The following DCUN1D1 variants were observed in gnomAD, a reference collection of about 807,000 sequenced individuals.
The protein encoded by DCUN1D1 is DCN1-like protein 1.
In DCUN1D1, 3 loss-of-function variants were observed where a neutral mutation model predicts 39.0. The ratio of observed to expected loss-of-function variants is 0.08; its 90% CI spans 0.04 to 0.20. The LOEUF (loss-of-function observed/expected upper bound fraction) is 0.20. DCUN1D1 is among the 10% of genes least tolerant of loss of function. DCUN1D1 has a pLI of 1.00. For missense variants in DCUN1D1, 158 were observed against 302.4 expected (o/e 0.52, Z 3.54); for synonymous variants, 82 against 96.3 (o/e 0.85, Z 0.87).
rs887598113 is a variant in DCUN1D1 at position 182,965,595 on chromosome 3, C to G, written c.162G>C (p.Glu54Asp). The G allele has an allele frequency of 2.9e-5, 46 of 1,613,730 alleles. No individual in the cohort carries two copies. The highest frequency in any genetic ancestry group is 3.6e-5 in the Non-Finnish European group (42 of 1,179,852). The change falls in exon 2 of 7, where the codon GAG (glutamate) becomes GAC (aspartate). Residue 54 changes from glutamate (E) to aspartate (D), a missense_variant. By Grantham distance (45) the Glu-to-Asp change is conservative. This residue lies in a region of DCUN1D1 where 107 missense variants were observed against 174.7 expected (regional missense o/e 0.61). Coordinates refer to ENST00000292782, the MANE Select transcript of DCUN1D1 (RefSeq NM_020640.4). ...FFQNPELYIRESVKGSLDRKK... is the reference protein window; with the variant it reads ...FFQNPELYIRDSVKGSLDRKK... ...TCCTGTCCAATGATCCTTTTACACT[C>G]TCTCGTATATAAAGTTCAGGATTTT...
chr3:182,965,862 T>C (rs1560175417), intron 1 of DCUN1D1, 109 bp from the exon 2 acceptor site: 1 of 688,984 alleles, frequency 1.5e-6, no homozygotes, highest in Non-Finnish European at 2.4e-6. Context: ...TCACAAAACA[T>C]TAAAACATTT....
chr3:182,947,182 GGT>G (rs1560160510), intron 6 of DCUN1D1, 54 bp downstream of exon 6: 1 of 884,150 alleles, frequency 1.1e-6, no homozygotes, highest in Non-Finnish European at 1.8e-6. Context: ...GAAGTTCAAG[GGT>G]ATGGGATAAA....
intron 4 of DCUN1D1, among the ~76,000 whole-genome samples, chr3:182,949,700 GACAGGTGACATCTCTTAAAA>G (rs1471250569): frequency 3.9e-5 from 6 of 152,162 alleles, no homozygotes; most frequent in Admixed American, 1.3e-4. Context: ...CAGCCTGGGT[GACAGGTGACATCTCTTAAAA>G]ACAAACAACA....
At chr3:182,985,145 C>T (rs1011918748), upstream of DCUN1D1, among the ~76,000 whole-genome samples, 1 of 152,150 alleles carries the variant, frequency 6.6e-6, no homozygotes, top group East Asian at 1.9e-4. Flanking sequence ...GTAAAGCAGA[C>T]AGGACTAGGC....
chr3:182,959,193 T>G (rs1646551038), intron 4 of DCUN1D1, among the ~76,000 whole-genome samples: 3 of 152,196 alleles, frequency 2.0e-5, no homozygotes, highest in Admixed American at 2.0e-4. Context: ...GGATTTTTCC[T>G]TTAAGAATAA....
upstream of DCUN1D1, among the ~76,000 whole-genome samples, chr3:182,981,509 G>A (rs1030824047): frequency 6.6e-6 from 1 of 152,184 alleles, no homozygotes; most frequent in African/African-American, 2.4e-5. Context: ...TTGCCCTTCA[G>A]AAATGTAGTA....
intron 1 of DCUN1D1, among the ~76,000 whole-genome samples, chr3:182,976,158 T>A (rs1728229923): frequency 6.6e-6 from 1 of 152,048 alleles, no homozygotes; most frequent in African/African-American, 2.4e-5. Context: ...TAAACAGAAT[T>A]CAAAACTCTG....
At chr3:182,958,195 C>T (rs781755497) in intron 4 of DCUN1D1, among the ~76,000 whole-genome samples, 1 of 151,754 alleles carries the variant, frequency 6.6e-6, no homozygotes, top group South Asian at 2.1e-4. Context: ...CAAGTCATTA[C>T]ATTTCCTGAT....
Position 182,958,153 on chromosome 3 carries a change from T to C in DCUN1D1, c.520+3073A>G, listed in dbSNP as rs980337224. Among the ~76,000 whole-genome samples the C allele has an allele frequency of 5.2e-4, 79 of 152,156 alleles. 1 individual carries two copies. Among genetic ancestry groups the C allele is most frequent in the Middle Eastern group, 6.8e-3 (2 of 294 alleles). On this transcript the variant is annotated intron_variant, in intron 4 of 6. Transcript: ENST00000292782. The stretch of plus-strand genomic sequence containing the variant: ...CCTTAGAAAGGCTGTTATAAAAAAC[T>C]GTTTCCTTTTTAATTAAACTCTGCA...
intron 4 of DCUN1D1, chr3:182,955,556 C>T (rs1228868254): frequency 1.9e-6 from 1 of 520,808 alleles, no homozygotes; most frequent in East Asian, 5.1e-5. Flanking sequence ...CACTCAAGAA[C>T]TTCTTTACAG....
upstream of DCUN1D1, among the ~76,000 whole-genome samples, chr3:182,981,950 A>G (rs1728568340): frequency 6.6e-6 from 1 of 152,236 alleles, no homozygotes; most frequent in African/African-American, 2.4e-5. Context: ...GATCTGCCTC[A>G]TGCAGCAAGC....
intron 1 of DCUN1D1, among the ~76,000 whole-genome samples, chr3:182,970,630 T>C (rs1727888257): frequency 1.3e-5 from 2 of 152,256 alleles, no homozygotes; most frequent in Non-Finnish European, 2.9e-5. Flanking sequence ...ATTTGATGAA[T>C]CTAGCTCACA....
upstream of DCUN1D1, chr3:182,980,611 C>CGGCGCGGCCCGAGGAGGCA (rs1728498613): frequency 1.9e-6 from 2 of 1,061,390 alleles, no homozygotes; most frequent in Non-Finnish European, 2.3e-6. Flanking sequence ...CGGGGCGGCC[C>CGGCGCGGCCCGAGGAGGCA]GGCGCGGCCC....
chr3:182,985,052 TTGAC>T (rs1157959818), upstream of DCUN1D1, among the ~76,000 whole-genome samples: 3 of 152,208 alleles, frequency 2.0e-5, no homozygotes, highest in Admixed American at 6.5e-5. Flanking sequence ...GTAAATGCGA[TTGAC>T]TGATGGAACC....
In DCUN1D1 at chr3:182,944,969, C is replaced by G; in HGVS notation, c.*125G>C. 1.3e-6 allele frequency: 1 copy of G among 782,684 alleles called. No homozygotes were observed. Among genetic ancestry groups the G allele is most frequent in the Non-Finnish European group, 2.1e-6 (1 of 480,490 alleles). 48.5% of individuals were successfully genotyped at this position (782,684 alleles called of 1,614,324 possible). A position where few individuals can be genotyped will look rare whatever the true frequency, so the allele number is the denominator to read the frequency against. Reference sequence around the variant, plus strand: ...CCAAGATGTATCCTTAAAGTTTTGTCTCAACCCTCAGTCTGAATTGTGAGG... The same window carrying G: ...CCAAGATGTATCCTTAAAGTTTTGTGTCAACCCTCAGTCTGAATTGTGAGG... On this transcript the variant is annotated 3_prime_UTR_variant, in exon 7 of 7. Coordinates refer to ENST00000292782, the MANE Select transcript of DCUN1D1 (RefSeq NM_020640.4).
At chr3:182,972,831 T>C (rs1265807025) in intron 1 of DCUN1D1, among the ~76,000 whole-genome samples, 1 of 151,956 alleles carries the variant, frequency 6.6e-6, no homozygotes, top group Non-Finnish European at 1.5e-5. Context: ...TCACCTGAGG[T>C]TGGGAGTCCG....
upstream of DCUN1D1, among the ~76,000 whole-genome samples, chr3:182,982,673 A>C (rs1342417451): frequency 6.6e-6 from 1 of 151,986 alleles, no homozygotes; most frequent in Non-Finnish European, 1.5e-5. Context: ...GATGGAGTCT[A>C]GTTCTGTCAC....
In DCUN1D1 at chr3:182,963,206, G is replaced by A. The variant is rs146684450; in HGVS notation, c.389+675C>T. 2.0e-4 allele frequency among the ~76,000 whole-genome samples: 31 copies of A among 152,244 alleles called. No individual in the cohort carries two copies. In the East Asian group the frequency reaches 6.0e-3, roughly 29 times the overall value. ...ACCTCAATTTCTTCATCTCTAAAAT[G>A]GGGATAGAAAACTATTCTCAAAAAG... On this transcript the variant is annotated intron_variant, in intron 3 of 6. Coordinates refer to ENST00000292782, the MANE Select transcript of DCUN1D1 (RefSeq NM_020640.4).
At chr3:182,977,470 G>A (rs908140662) in intron 1 of DCUN1D1, among the ~76,000 whole-genome samples, 13 of 151,368 alleles carry the variant, frequency 8.6e-5, no homozygotes, top group Non-Finnish European at 1.9e-4. Flanking sequence ...ACGGAGTCTC[G>A]CTCTCGCCCA....
Sources: allele counts gnomAD v4.1 joint callset (sites outside exome capture counted in the v4.1 genomes callset), GRCh38; gene constraint gnomAD v4.1.1; regional missense constraint gnomAD v4.1.1; transcripts MANE v1.5; gene names NCBI Gene and HGNC (gene_info 2026-07-23, HGNC 2026-07-21).